The following RNF150 variants were observed in gnomAD, a reference collection of about 807,000 sequenced individuals.
RNF150 encodes ring finger protein 150.
In RNF150, 24 loss-of-function variants were observed where a neutral mutation model predicts 39.3. The ratio of observed to expected loss-of-function variants is 0.61; its 90% CI spans 0.44 to 0.86. The LOEUF is 0.86. Among genes scored for constraint, RNF150 ranks in the 40% least tolerant of loss-of-function variants. The pLI is 0.00. For synonymous variants in RNF150, 255 were observed against 227.3 expected, an observed-to-expected ratio of 1.12 and a Z score of -1.10; for missense variants, 502 against 587.8, an observed-to-expected ratio of 0.85 and a Z score of 1.51.
intron 4 of RNF150, among the ~76,000 whole-genome samples, chr4:140,927,872 CT>C (rs1356252660): frequency 6.6e-6 from 1 of 151,842 alleles, no homozygotes; most frequent in Non-Finnish European, 1.5e-5. Flanking sequence ...TGGTCCTGAA[CT>C]CCTGACCTCA....
intron 1 of RNF150, among the ~76,000 whole-genome samples, chr4:141,139,616 T>G (rs955924942): frequency 1.2e-4 from 18 of 152,232 alleles, no homozygotes; most frequent in African/African-American, 4.3e-4. Flanking sequence ...TGTTGAATAA[T>G]AAATAGTAAT....
At chr4:140,908,414 G>C (rs1309519848) in intron 6 of RNF150, among the ~76,000 whole-genome samples, 1 of 152,036 alleles carries the variant, frequency 6.6e-6, no homozygotes, top group Non-Finnish European at 1.5e-5. Flanking sequence ...TATTTCGTGA[G>C]AAAATTTAGT....
intron 6 of RNF150, among the ~76,000 whole-genome samples, chr4:140,888,589 G>A (rs1356714059): frequency 3.3e-5 from 5 of 152,154 alleles, no homozygotes; most frequent in Non-Finnish European, 7.3e-5. Context: ...ATACAAATGA[G>A]GTAAGCTGCT....
intron 1 of RNF150, among the ~76,000 whole-genome samples, chr4:141,163,406 T>G (rs992991145): frequency 1.3e-5 from 2 of 152,244 alleles, no homozygotes; most frequent in African/African-American, 4.8e-5. Context: ...CCCACCTGCC[T>G]GCACTGAAAA....
chr4:140,971,802 C>T (rs970253006), intron 1 of RNF150, among the ~76,000 whole-genome samples: 1 of 152,122 alleles, frequency 6.6e-6, no homozygotes, highest in Admixed American at 6.6e-5. Context: ...TAAATTCAAA[C>T]CAGGTTGTTT....
intron 1 of RNF150, among the ~76,000 whole-genome samples, chr4:141,002,295 C>T (rs879370758): frequency 6.6e-6 from 1 of 151,518 alleles, no homozygotes; most frequent in African/African-American, 2.4e-5. Context: ...CTTTATTGTA[C>T]TTGATTAAGC....
chr4:140,925,273 T>A (rs1731345535), intron 5 of RNF150, among the ~76,000 whole-genome samples: 1 of 152,180 alleles, frequency 6.6e-6, no homozygotes, highest in Non-Finnish European at 1.5e-5. Context: ...ACCCACCAGT[T>A]TGCAGGCTTC....
chr4:141,088,173 C>T (rs1738439082), intron 1 of RNF150, among the ~76,000 whole-genome samples: 2 of 152,178 alleles, frequency 1.3e-5, no homozygotes, highest in Admixed American at 6.5e-5. Context: ...AAATATGCTA[C>T]CTAATGTCCA....
At chr4:140,940,275 A>C (rs1732031703) in intron 4 of RNF150, among the ~76,000 whole-genome samples, 1 of 152,202 alleles carries the variant, frequency 6.6e-6, no homozygotes, top group Non-Finnish European at 1.5e-5. Flanking sequence ...AACTTTATGG[A>C]ATATAATTTG....
intron 1 of RNF150, among the ~76,000 whole-genome samples, chr4:141,210,792 G>T (rs1728450941): frequency 6.6e-6 from 1 of 150,876 alleles, no homozygotes; most frequent in African/African-American, 2.5e-5. Flanking sequence ...ATTCTGGCTT[G>T]AAGTGTCCAG....
At chr4:141,126,324 C>T (rs1272197714) in intron 1 of RNF150, among the ~76,000 whole-genome samples, 1 of 152,192 alleles carries the variant, frequency 6.6e-6, no homozygotes, top group Non-Finnish European at 1.5e-5. Flanking sequence ...GGAAGTCCAT[C>T]CTTAAATCCT....
intron 1 of RNF150, among the ~76,000 whole-genome samples, chr4:141,157,870 A>G (rs2111152616): frequency 6.6e-6 from 1 of 152,338 alleles, no homozygotes; most frequent in South Asian, 2.1e-4. Flanking sequence ...CCAGAGTCAA[A>G]CAGCTTTGAG....
At chr4:141,063,862 T>G (rs549587633) in intron 1 of RNF150, among the ~76,000 whole-genome samples, 2 of 152,180 alleles carry the variant, frequency 1.3e-5, no homozygotes, top group Non-Finnish European at 2.9e-5. Context: ...AGTTGTAGGG[T>G]TTATAATTAC....
chr4:141,070,611 G>GCCAAAAAACACATGAAAAAATGCTCA (rs1737656591), intron 1 of RNF150, among the ~76,000 whole-genome samples: 1 of 150,746 alleles, frequency 6.6e-6, no homozygotes, highest in Admixed American at 6.6e-5. Flanking sequence ...CATTTATGCA[G>GCCAAAAAACACATGAAAAAATGCTCA]CCAAAAAACA....
chr4:141,095,292 T>C (rs1389878022), intron 1 of RNF150, among the ~76,000 whole-genome samples: 3 of 152,086 alleles, frequency 2.0e-5, no homozygotes, highest in Non-Finnish European at 4.4e-5. Context: ...TCCATGAGGG[T>C]CCACTGAGTT....
intron 2 of RNF150, 37 bp from the exon 3 acceptor site, chr4:140,949,409 C>T (rs1317928098): frequency 6.4e-7 from 1 of 1,572,042 alleles, no homozygotes; most frequent in Non-Finnish European, 8.7e-7. Flanking sequence ...TAATAAAGAT[C>T]TGTAATTCTT....
intron 1 of RNF150, among the ~76,000 whole-genome samples, chr4:141,109,702 G>T (rs1482744277): frequency 6.6e-6 from 1 of 152,094 alleles, no homozygotes. Flanking sequence ...TTCCACCTAT[G>T]ATGGAGCAGC....
chr4:141,098,525 T>C (rs997357095), intron 1 of RNF150, among the ~76,000 whole-genome samples: 4 of 152,258 alleles, frequency 2.6e-5, no homozygotes, highest in African/African-American at 9.6e-5. Flanking sequence ...ACTAGAGATA[T>C]GATCTTGAAA....
intron 1 of RNF150, among the ~76,000 whole-genome samples, chr4:141,038,313 G>A (rs949494567): frequency 3.9e-5 from 6 of 152,130 alleles, no homozygotes; most frequent in African/African-American, 1.4e-4. Flanking sequence ...CTTGCCCAGA[G>A]GACTTAATCC....
Sources: gnomAD v4.1 joint callset for allele counts (sites outside exome capture counted in the v4.1 genomes callset) on GRCh38, gnomAD v4.1.1 for gene constraint, MANE v1.5 for transcripts, NCBI Gene and HGNC (gene_info 2026-07-23, HGNC 2026-07-21) for gene names.